Variants in PMM2 observed in about 807,000 individuals in gnomAD.
The protein encoded by PMM2 is mannose-6-phosphate isomerase.
PMM2 carries 35 observed loss-of-function variants against 33.2 expected under a neutral mutation model. The observed-to-expected ratio is 1.06, with a 90% CI of 0.81 to 1.40. The LOEUF is 1.40. PMM2 is among the 40% of genes most tolerant of loss of function. PMM2 has a pLI of 0.00. For missense variants in PMM2, 386 were observed against 306.0 expected (o/e 1.26, Z -1.95); for synonymous variants, 153 against 114.7 (o/e 1.33, Z -2.13).
intron 7 of PMM2, among the ~76,000 whole-genome samples, chr16:8,843,342 G>T (rs908099503): frequency 2.6e-5 from 4 of 152,130 alleles, no homozygotes; most frequent in African/African-American, 9.7e-5. Context: ...AGGCGATTGG[G>T]CAGCGTCAAT....
Position 8,801,846 on chromosome 16 carries a change from G to C in PMM2, c.114G>C (p.Lys38Asn). ...MDDFLQKLRQ[K>N]IKIGVVGGSD... Reference sequence around the variant, plus strand: ...ACTTCCTACAAAAATTGAGGCAGAAGATCAAAATCGGAGTGGTAGGCGGAT... The same window carrying C: ...ACTTCCTACAAAAATTGAGGCAGAACATCAAAATCGGAGTGGTAGGCGGAT... Residue 38 changes from lysine to asparagine, a missense_variant, in exon 2 of 8, where the codon AAG (lysine) becomes AAC (asparagine). Coordinates refer to ENST00000268261, the MANE Select transcript of PMM2 (RefSeq NM_000303.3). 2 of 1,612,426 alleles carry C rather than the reference G, an allele frequency of 1.2e-6. No individual in the cohort carries two copies. The highest frequency in any genetic ancestry group is 1.1e-5 in the South Asian group (1 of 90,968).
At chr16:8,800,989 T>G (rs2141016429) in intron 1 of PMM2, among the ~76,000 whole-genome samples, 1 of 152,354 alleles carries the variant, frequency 6.6e-6, no homozygotes, top group East Asian at 1.9e-4. Context: ...GGCCCTAAGC[T>G]TCCTCTTTAA....
At chr16:8,834,028 A>G (rs141728254) in intron 7 of PMM2, among the ~76,000 whole-genome samples, 1,797 of 152,026 alleles carry the variant, frequency 0.012, 21 homozygotes, top group Middle Eastern at 0.065. Flanking sequence ...GATAGTAGGG[A>G]TGACAAGTTT....
chr16:8,808,330 T>A (rs1414348860), intron 4 of PMM2: 2 of 151,778 alleles, frequency 1.3e-5, no homozygotes, highest in Non-Finnish European at 2.9e-5. Context: ...ATATCCCAGG[T>A]CAGTTCCATT....
chr16:8,832,335 A>G, intron 7 of PMM2: 1 of 985,464 alleles, frequency 1.0e-6, no homozygotes, highest in Non-Finnish European at 1.2e-6. Context: ...AGGCTCCTGC[A>G]GCCAGGGTCG....
chr16:8,811,106 G>A lies in PMM2; in HGVS notation c.375G>A (p.Gly125=), dbSNP rs1266829221. The change falls in exon 5 of 8, where the codon GGG becomes GGA. Residue 125 remains glycine, a synonymous_variant. Transcript: ENST00000268261. ...GTACTTTCATTGAATTCCGAAATGG[G>A]ATGTTAAACGTGTCCCCTATTGGAA... The part of the protein sequence containing the change: ...KRGTFIEFRN[G]MLNVSPIGRS... 6.4e-7 allele frequency: 1 copy of A among 1,574,290 alleles called. No individual in the cohort carries two copies. The highest frequency in any genetic ancestry group is 8.7e-7 in the Non-Finnish European group (1 of 1,156,034).
At chr16:8,845,035 G>A (rs910064244) in intron 7 of PMM2, among the ~76,000 whole-genome samples, 13 of 152,198 alleles carry the variant, frequency 8.5e-5, no homozygotes, top group Non-Finnish European at 1.3e-4. Flanking sequence ...AATTTCATGC[G>A]CGTCCATGTG....
intron 2 of PMM2, among the ~76,000 whole-genome samples, chr16:8,803,972 C>T (rs1253100646): frequency 6.6e-6 from 1 of 151,098 alleles, no homozygotes; most frequent in African/African-American, 2.4e-5. Flanking sequence ...GCATGAGTCA[C>T]CGTGCCTGGC....
intron 1 of PMM2, among the ~76,000 whole-genome samples, chr16:8,800,903 C>T (rs950418865): frequency 2.0e-5 from 3 of 152,168 alleles, no homozygotes; most frequent in African/African-American, 4.8e-5. Context: ...AGGCTGATCT[C>T]GAACTCTGAC....
chr16:8,813,857 CT>C (rs148507269), intron 7 of PMM2, among the ~76,000 whole-genome samples: 6 of 89,142 alleles, frequency 6.7e-5, no homozygotes, highest in African/African-American at 1.7e-4. Flanking sequence ...TTTTCTTTCT[CT>C]TTTTTTTTTT....
In PMM2 at chr16:8,839,688, T is replaced by C. The variant is rs1250511368; in HGVS notation, c.640-8036T>C. On this transcript the variant is annotated intron_variant, in intron 7 of 7. Coordinates refer to ENST00000268261, the MANE Select transcript of PMM2 (RefSeq NM_000303.3). ...ATTGATAGCGGGCTTGTCTGTAATA[T>C]GGAGCTGGAAGGCTCCCATTGTTTG... is the stretch of plus-strand genomic sequence containing the variant. Among the ~76,000 whole-genome samples, 46 of 151,924 alleles carry C rather than the reference T, an allele frequency of 3.0e-4. 2 individuals are homozygous for C. The highest frequency in any genetic ancestry group is 1.3e-4 in the Non-Finnish European group (9 of 67,984).
chr16:8,811,391 A>G (rs1030315273), intron 5 of PMM2, among the ~76,000 whole-genome samples: 7 of 152,164 alleles, frequency 4.6e-5, no homozygotes, highest in Non-Finnish European at 8.8e-5. Flanking sequence ...ATGGTGGCAC[A>G]CACCTGTGGT....
chr16:8,798,794 T>G (rs2141014801), intron 1 of PMM2, among the ~76,000 whole-genome samples: 1 of 152,294 alleles, frequency 6.6e-6, no homozygotes, highest in East Asian at 1.9e-4. Flanking sequence ...AACTTGAGAC[T>G]GGACCCCAAT....
At chr16:8,833,690 C>T (rs182553025) in intron 7 of PMM2, among the ~76,000 whole-genome samples, 19,683 of 145,714 alleles carry the variant, frequency 0.14, 1,355 homozygotes, top group East Asian at 0.21. Flanking sequence ...AAACATCTGT[C>T]GTATAGAATG....
At position 8,814,097 on chromosome 16, in the gene PMM2, G is replaced by A. The variant is rs1238721008; in HGVS notation, c.639+991G>A. Among the ~76,000 whole-genome samples the A allele has an allele frequency of 5.3e-5, 8 of 152,006 alleles. 1 individual carries two copies. Among genetic ancestry groups the A allele is most frequent in the South Asian group, 4.2e-4 (2 of 4,796 alleles). On this transcript the variant is annotated intron_variant, in intron 7 of 7. Transcript: ENST00000268261. ...AACCAGGCTGGTCTCAAACCCCTGGGCTCAAGTGATCCAATCAACTCGGCC... is the reference window on the plus strand; with the variant it reads ...AACCAGGCTGGTCTCAAACCCCTGGACTCAAGTGATCCAATCAACTCGGCC...
intron 2 of PMM2, among the ~76,000 whole-genome samples, chr16:8,803,561 C>T (rs548799299): frequency 6.6e-6 from 1 of 152,326 alleles, no homozygotes; most frequent in South Asian, 2.1e-4. Flanking sequence ...CCACCCAACA[C>T]ATAGGGGATC....
chr16:8,801,133 A>C (rs140396139), intron 1 of PMM2, among the ~76,000 whole-genome samples: 1 of 152,380 alleles, frequency 6.6e-6, no homozygotes, highest in African/African-American at 2.4e-5. Context: ...CTGAAAAACC[A>C]AAGTCCCTGC....
At chr16:8,805,860 G>C (rs1248664097) in intron 3 of PMM2, among the ~76,000 whole-genome samples, 1 of 152,176 alleles carries the variant, frequency 6.6e-6, no homozygotes, top group Non-Finnish European at 1.5e-5. Flanking sequence ...AAAATGCTGG[G>C]ATTACAGGTG....
chr16:8,827,490 G>C (rs560654856), intron 7 of PMM2, among the ~76,000 whole-genome samples: 66 of 150,228 alleles, frequency 4.4e-4, no homozygotes, highest in African/African-American at 1.5e-3. Flanking sequence ...CTGCCTCCCG[G>C]GTTCAAGTGA....
Sources: gnomAD v4.1 joint callset for allele counts (sites outside exome capture counted in the v4.1 genomes callset) on GRCh38, gnomAD v4.1.1 for gene constraint, MANE v1.5 for transcripts, NCBI Gene and HGNC (gene_info 2026-07-23, HGNC 2026-07-21) for gene names.